Variants in MTHFSD observed in about 807,000 individuals in gnomAD.
The protein encoded by MTHFSD is methenyltetrahydrofolate synthetase domain containing, also known as methenyltetrahydrofolate synthase domain-containing protein.
A neutral mutation model predicts 31.1 loss-of-function variants in MTHFSD; 37 were observed. That is an observed-to-expected ratio of 1.19 (90% confidence interval 0.91 to 1.56). MTHFSD has a LOEUF of 1.56. Among genes scored for constraint, MTHFSD ranks in the 40% most tolerant of loss-of-function variants. The probability of loss-of-function intolerance (pLI) is 0.00; values close to 1 mark genes in which losing one functional copy is unlikely to be tolerated. For synonymous variants in MTHFSD, 221 were observed against 206.9 expected, an observed-to-expected ratio of 1.07 and a Z score of -0.59; for missense variants, 664 against 510.1, an observed-to-expected ratio of 1.30 and a Z score of -2.91.
In MTHFSD at chr16:86,541,778, A is replaced by G. The variant is rs1213398552; in HGVS notation, c.600T>C (p.Thr200=). Residue 200 remains threonine, a synonymous_variant, in exon 7 of 8, where the codon ACT becomes ACC. Coordinates refer to ENST00000360900, the MANE Select transcript of MTHFSD (RefSeq NM_001159377.2). The stretch of plus-strand genomic sequence containing the variant: ...TGGTTGGAGTGAGGATGTAGTCCAC[A>G]GTGATGTCGTGCTCCTCAACAAGCT... ...PEELVEEHDI[T]VDYILTPTRV... 3.7e-6 allele frequency: 6 copies of G among 1,614,226 alleles called. No individual in the cohort carries two copies. The highest frequency in any genetic ancestry group is 5.1e-6 in the Non-Finnish European group (6 of 1,180,042).
chr16:86,530,385 G>A lies in MTHFSD; in HGVS notation c.*1626C>T, dbSNP rs2143240631. The A allele has an allele frequency of 6.6e-6, 1 of 152,368 alleles. No homozygotes were observed. Among genetic ancestry groups the A allele is most frequent in the South Asian group, 2.1e-4 (1 of 4,824 alleles). 9.4% of individuals were successfully genotyped at this position (152,368 alleles called of 1,614,324 possible). On this transcript the variant is annotated 3_prime_UTR_variant, in exon 8 of 8. Coordinates refer to ENST00000360900, the MANE Select transcript of MTHFSD (RefSeq NM_001159377.2). ...TGCCTGGTTTAATCCCGCCGTCTGA[G>A]GGTGGGGTGGGCGTCAGGCATGGCT...
At position 86,555,154 on chromosome 16, in the gene MTHFSD, C is replaced by G. The variant is rs1316415340; in HGVS notation, c.16+15G>C. On this transcript the variant is annotated intron_variant, in intron 1 of 7. Coordinates refer to ENST00000360900, the MANE Select transcript of MTHFSD (RefSeq NM_001159377.2). ...CCCATTCCCAGCCGCCCCGGAGCCC[C>G]GCCAGGCCCCCCACCTGCCCTCGGC... is the stretch of plus-strand genomic sequence containing the variant. 2.0e-6 allele frequency: 3 copies of G among 1,535,674 alleles called. No homozygotes were observed. The highest frequency in any genetic ancestry group is 3.9e-5 in the Admixed American group (2 of 50,984).
At position 86,531,799 on chromosome 16, in the gene MTHFSD, C is replaced by T. The variant is rs903128565; in HGVS notation, c.*212G>A. ...CGATTGGGAGGCTGCAGTCTCTGCG[C>T]GCTGTGAGATGAACCGCAGGGCGGC... On this transcript the variant is annotated 3_prime_UTR_variant, in exon 8 of 8. Transcript: ENST00000360900. This position sits in a 1 kb window ranked among gnomAD's most constrained non-coding sequence, Gnocchi z 5.5. 1.7e-5 allele frequency: 7 copies of T among 412,320 alleles called. No individual in the cohort carries two copies. Among genetic ancestry groups the T allele is most frequent in the Non-Finnish European group, 3.0e-5 (7 of 233,010 alleles). The allele number at this position is 412,320 out of a possible 1,614,324, so 25.5% of individuals were successfully genotyped here. A position where few individuals can be genotyped will look rare whatever the true frequency, so the allele number is the denominator to read the frequency against.
chr16:86,535,783 T>C (rs1970613768), intron 7 of MTHFSD, among the ~76,000 whole-genome samples: 1 of 152,160 alleles, frequency 6.6e-6, no homozygotes, highest in African/African-American at 2.4e-5. Context: ...GATAAACTGC[T>C]TTTCTTTCTC....
In MTHFSD at chr16:86,548,508, G is replaced by A. The variant is rs1408038125; in HGVS notation, c.307C>T (p.Pro103Ser). 2 of 1,613,772 alleles carry A rather than the reference G, an allele frequency of 1.2e-6. No homozygotes were observed. ...TGLFNKITPPPGATKDILRKC... is the reference protein window; with the variant it reads ...TGLFNKITPPSGATKDILRKC... The stretch of plus-strand genomic sequence containing the variant: ...CTCAAGATGTCTTTAGTTGCCCCAG[G>A]GGGTGGTGTGATCTTATTAAACAAT... The change falls in exon 4 of 8, where the codon CCT becomes TCT. Residue 103 changes from proline to serine, a missense_variant. Transcript: ENST00000360900.
chr16:86,543,703 A>G (rs1410500563), intron 5 of MTHFSD, among the ~76,000 whole-genome samples: 1 of 152,200 alleles, frequency 6.6e-6, no homozygotes, highest in Non-Finnish European at 1.5e-5. Context: ...CTATACATCT[A>G]TACCTAAAAA....
At chr16:86,544,910 CATGG>C (rs1228115567) in intron 5 of MTHFSD, among the ~76,000 whole-genome samples, 1 of 152,160 alleles carries the variant, frequency 6.6e-6, no homozygotes, top group East Asian at 1.9e-4. Flanking sequence ...TTTGCAGGGA[CATGG>C]ATGGAGCTGG....
At chr16:86,534,257 C>A (rs756136903) in intron 7 of MTHFSD, among the ~76,000 whole-genome samples, 1 of 152,212 alleles carries the variant, frequency 6.6e-6, no homozygotes. Context: ...TGTGAGGAGA[C>A]TAAACTCACA....
intron 3 of MTHFSD, among the ~76,000 whole-genome samples, chr16:86,549,187 T>G (rs1972771787): frequency 6.6e-6 from 1 of 152,230 alleles, no homozygotes; most frequent in Admixed American, 6.5e-5. Context: ...GGCCAGCGCA[T>G]CAGCGCTCCT....
In MTHFSD at chr16:86,530,601, C is replaced by T. The variant is rs1220005550; in HGVS notation, c.*1410G>A. On this transcript the variant is annotated 3_prime_UTR_variant, in exon 8 of 8. Transcript: ENST00000360900. ...TGCTATTCTAACGGCAGCAAATCCA[C>T]AGGAAAAAGGTAAACAAAAAAAAAA... 2 of 144,974 alleles carry T rather than the reference C, an allele frequency of 1.4e-5. No individual in the cohort carries two copies. Among genetic ancestry groups the T allele is most frequent in the Non-Finnish European group, 3.0e-5 (2 of 66,696 alleles). The allele number at this position is 144,974 out of a possible 1,614,324, so 9.0% of individuals were successfully genotyped here. A position where few individuals can be genotyped will look rare whatever the true frequency, so the allele number is the denominator to read the frequency against.
intron 7 of MTHFSD, chr16:86,533,643 C>G (rs1206423029): frequency 1.3e-5 from 2 of 152,182 alleles, no homozygotes; most frequent in Non-Finnish European, 2.9e-5. Context: ...TGGTCCTTAT[C>G]CTTGGCAGGG....
chr16:86,545,656 C>T (rs1213031635), intron 5 of MTHFSD, among the ~76,000 whole-genome samples: 1 of 152,158 alleles, frequency 6.6e-6, no homozygotes, highest in Non-Finnish European at 1.5e-5. Flanking sequence ...TGGCACGTCC[C>T]TCCTCAGACT....
rs1386015903 is a variant in MTHFSD at position 86,542,041 on chromosome 16, C to A, written c.555+60G>T. On this transcript the variant is annotated intron_variant, in intron 6 of 7. Coordinates refer to ENST00000360900, the MANE Select transcript of MTHFSD (RefSeq NM_001159377.2). This position sits in a 1 kb window ranked among gnomAD's most constrained non-coding sequence, Gnocchi z 4.6. Reference sequence around the variant, plus strand: ...AGAAGCAGATGAGTCTCCTTCCCCACCCCCTGCTCCCTCAGAAGAGAATGG... The same window carrying A: ...AGAAGCAGATGAGTCTCCTTCCCCAACCCCTGCTCCCTCAGAAGAGAATGG... 2.0e-6 allele frequency: 3 copies of A among 1,504,364 alleles called. No individual in the cohort carries two copies. Among genetic ancestry groups the A allele is most frequent in the Non-Finnish European group, 2.8e-6 (3 of 1,088,834 alleles). 93.2% of individuals were successfully genotyped at this position (1,504,364 alleles called of 1,614,324 possible).
intron 7 of MTHFSD, among the ~76,000 whole-genome samples, chr16:86,536,765 C>T (rs544201657): frequency 6.6e-6 from 1 of 152,372 alleles, no homozygotes; most frequent in East Asian, 1.9e-4. Context: ...GCCCTCATTG[C>T]GAGGCCCGCG....
rs1291121802 is a variant in MTHFSD, at chr16:86,552,160, T to G, written c.124-14A>C. The G allele has an allele frequency of 1.9e-6, 3 of 1,614,038 alleles. No individual in the cohort carries two copies. The highest frequency in any genetic ancestry group is 2.7e-5 in the African/African-American group (2 of 74,920). ...CAGATAAGACCCCTAGTTAGGCAAA[T>G]AGACAGAGTTGCACTTACTTCAAGG... On this transcript the variant is annotated splice_polypyrimidine_tract_variant and intron_variant, in intron 2 of 7. Transcript: ENST00000360900.
At chr16:86,551,334 G>A (rs768443983) in intron 3 of MTHFSD, among the ~76,000 whole-genome samples, 19 of 152,162 alleles carry the variant, frequency 1.2e-4, no homozygotes, top group Non-Finnish European at 2.6e-4. Flanking sequence ...GATACCTTTT[G>A]AGGGTACATC....
At chr16:86,538,904 C>A (rs899372923) in intron 7 of MTHFSD, among the ~76,000 whole-genome samples, 1 of 152,118 alleles carries the variant, frequency 6.6e-6, no homozygotes, top group Non-Finnish European at 1.5e-5. Context: ...CTGAGTTTCA[C>A]GGGTCTGTGG....
Position 86,548,544 on chromosome 16 carries a change from G to C in MTHFSD, c.271C>G (p.Leu91Val), listed in dbSNP as rs369348351. 3.1e-6 allele frequency: 5 copies of C among 1,612,874 alleles called. No homozygotes were observed. The African/African-American group carries it at 6.7e-5, about 22-fold the overall frequency. The stretch of plus-strand genomic sequence containing the variant: ...ATCTTATTAAACAATCCCGTTCTCA[G>C]TCGTGGTGTTGGAACCAACAATGTT... ...KKTLLVPTPR[L>V]RTGLFNKITP... Residue 91 changes from leucine to valine, a missense_variant, in exon 4 of 8, where the codon CTG becomes GTG. Transcript: ENST00000360900.
chr16:86,547,469 C>T (rs529097399), intron 4 of MTHFSD: 2 of 986,004 alleles, frequency 2.0e-6, no homozygotes, highest in South Asian at 4.7e-5. Flanking sequence ...GGGGGTCTCC[C>T]GACAGTCACA....
Sources: allele counts gnomAD v4.1 joint callset (sites outside exome capture counted in the v4.1 genomes callset), GRCh38; gene constraint gnomAD v4.1.1; non-coding constraint Gnocchi (gnomAD v3.1); transcripts MANE v1.5; gene names NCBI Gene and HGNC (gene_info 2026-07-23, HGNC 2026-07-21).